The following PBX1 variants were observed in gnomAD, a reference collection of about 807,000 sequenced individuals.
The protein encoded by PBX1 is pre-B-cell leukemia transcription factor 1.
In PBX1, 6 loss-of-function variants were observed where a neutral mutation model predicts 53.4. The observed-to-expected ratio is 0.11, with a 90% confidence interval of 0.06 to 0.22. The LOEUF is 0.22. Ranked by LOEUF, PBX1 falls within the 10% of genes least tolerant of loss-of-function variation. The pLI is 1.00. For missense variants in PBX1, 251 were observed against 551.4 expected, an observed-to-expected ratio of 0.46 and a Z score of 5.46; for synonymous variants, 204 against 212.3, an observed-to-expected ratio of 0.96 and a Z score of 0.34.
chr1:164,658,014 C>G (rs535386460), intron 2 of PBX1, among the ~76,000 whole-genome samples: 1 of 152,240 alleles, frequency 6.6e-6, no homozygotes, highest in South Asian at 2.1e-4. Context: ...GTCCCACTGT[C>G]AGGCAGATTC....
intron 2 of PBX1, among the ~76,000 whole-genome samples, chr1:164,610,807 C>G (rs545685105): frequency 6.6e-6 from 1 of 152,206 alleles, no homozygotes; most frequent in Non-Finnish European, 1.5e-5. Flanking sequence ...CATTTGCATG[C>G]TCCCCTCTCC....
chr1:164,704,041 A>C (rs1032368485), intron 2 of PBX1, among the ~76,000 whole-genome samples: 2 of 152,186 alleles, frequency 1.3e-5, no homozygotes, highest in Non-Finnish European at 2.9e-5. Context: ...ATTTGGTAAA[A>C]TGCTGCAATA....
chr1:164,849,974 T>C lies in PBX1; in HGVS notation c.*3298T>C. 4.4e-6 allele frequency: 1 copy of C among 227,914 alleles called. No homozygotes were observed. Among genetic ancestry groups the C allele is most frequent in the Non-Finnish European group, 8.7e-6 (1 of 114,742 alleles). The allele number at this position is 227,914 out of a possible 1,614,324, so 14.1% of individuals were successfully genotyped here. ...ACATTTTCCATTGTTTCTTGCGACT[T>C]GTGTCTCGTTCTTTGTAGTATTGAT... On this transcript the variant is annotated 3_prime_UTR_variant, in exon 9 of 9. Coordinates refer to ENST00000420696, the MANE Select transcript of PBX1 (RefSeq NM_002585.4).
chr1:164,882,920 T>G (rs1049920105), intron 2 of PBX1, among the ~76,000 whole-genome samples: 1 of 152,226 alleles, frequency 6.6e-6, no homozygotes, highest in Non-Finnish European at 1.5e-5. Flanking sequence ...TTTCTTCATC[T>G]GCAGACAAGA....
Position 164,724,670 on chromosome 1 carries a change from A to ATTTTTTTTTTTTTTTTTTTT in PBX1, c.266-67804_266-67785dup, listed in dbSNP as rs59042806. On this transcript the variant is annotated intron_variant, in intron 2 of 8. Coordinates refer to ENST00000420696, the MANE Select transcript of PBX1 (RefSeq NM_002585.4). Reference sequence around the variant, plus strand: ...CAGATGCCCATTGCAATAGCTGCAGATTTTTTTTTTTTTTTTTTTTTTTTT... The same window carrying ATTTTTTTTTTTTTTTTTTTT: ...CAGATGCCCATTGCAATAGCTGCAGATTTTTTTTTTTTTTTTTTTTTTTTTTTTTTTTTTTTTTTTTTTTT... Among the ~76,000 whole-genome samples, 8 of 48,238 alleles carry ATTTTTTTTTTTTTTTTTTTT rather than the reference A, an allele frequency of 1.7e-4. 1 individual carries two copies. Among genetic ancestry groups the ATTTTTTTTTTTTTTTTTTTT allele is most frequent in the Middle Eastern group, 0.012 (1 of 84 alleles). 31.6% of individuals were successfully genotyped at this position (48,238 alleles called of 152,430 possible). A position where few individuals can be genotyped will look rare whatever the true frequency, so the allele number is the denominator to read the frequency against.
intron 2 of PBX1, among the ~76,000 whole-genome samples, chr1:164,747,753 T>A (rs1441914793): frequency 6.6e-6 from 1 of 152,188 alleles, no homozygotes; most frequent in African/African-American, 2.4e-5. Context: ...AATCTAGGAC[T>A]CAACCTGAGA....
At chr1:164,777,645 T>A (rs1667736246) in intron 2 of PBX1, among the ~76,000 whole-genome samples, 1 of 152,248 alleles carries the variant, frequency 6.6e-6, no homozygotes, top group South Asian at 2.1e-4. Context: ...CTTTTTATTC[T>A]GTTCATAATT....
At chr1:164,584,505 T>C (rs1409228738) in intron 2 of PBX1, among the ~76,000 whole-genome samples, 1 of 152,226 alleles carries the variant, frequency 6.6e-6, no homozygotes. Context: ...TTAGATCTAT[T>C]GGATCACTCC....
chr1:164,590,573 G>A (rs947599236), intron 2 of PBX1: 2 of 431,480 alleles, frequency 4.6e-6, no homozygotes, highest in Non-Finnish European at 9.4e-6. Context: ...GTGACCAGGA[G>A]ATCTATTGCC....
chr1:164,757,808 T>TTGCAAGG (rs113659816), intron 2 of PBX1, among the ~76,000 whole-genome samples: 2 of 151,500 alleles, frequency 1.3e-5, no homozygotes, highest in Non-Finnish European at 2.9e-5. Context: ...CAGTAAAACT[T>TTGCAAGG]TTTATCAACC....
intron 2 of PBX1, among the ~76,000 whole-genome samples, chr1:164,594,996 C>T (rs150206226): frequency 6.6e-5 from 10 of 152,340 alleles, no homozygotes; most frequent in Admixed American, 4.6e-4. Flanking sequence ...CTGCTTTGAA[C>T]GTGAAGACAA....
At chr1:164,592,268 C>T (rs1338229034) in intron 2 of PBX1, among the ~76,000 whole-genome samples, 1 of 152,160 alleles carries the variant, frequency 6.6e-6, no homozygotes, top group East Asian at 1.9e-4. Context: ...TGAGGTTCAT[C>T]CCAGTATATG....
intron 2 of PBX1, among the ~76,000 whole-genome samples, chr1:164,662,244 A>G (rs749764084): frequency 1.3e-5 from 2 of 152,156 alleles, no homozygotes; most frequent in Non-Finnish European, 2.9e-5. Context: ...GAGAATTGCC[A>G]GAATCTGGGG....
chr1:164,811,345 A>G (rs1336356611), intron 5 of PBX1, among the ~76,000 whole-genome samples: 1 of 152,220 alleles, frequency 6.6e-6, no homozygotes, highest in Non-Finnish European at 1.5e-5. Context: ...TGCTGGCTTT[A>G]ACATTTAAAC....
At chr1:164,853,741 T>G (rs1671913467), downstream of PBX1, among the ~76,000 whole-genome samples, 1 of 152,084 alleles carries the variant, frequency 6.6e-6, no homozygotes, top group Non-Finnish European at 1.5e-5. Context: ...CACTGACATG[T>G]TTACTGCTAG....
intron 2 of PBX1, among the ~76,000 whole-genome samples, chr1:164,616,182 G>A (rs1019229781): frequency 8.5e-5 from 13 of 152,228 alleles, no homozygotes; most frequent in South Asian, 6.2e-4. Flanking sequence ...CTTCATGCCC[G>A]GGGATGATTC....
At position 164,685,931 on chromosome 1, in the gene PBX1, G is replaced by T. The variant is rs529529406; in HGVS notation, c.266-106563G>T. On this transcript the variant is annotated intron_variant, in intron 2 of 8. Coordinates refer to ENST00000420696, the MANE Select transcript of PBX1 (RefSeq NM_002585.4). ...CAGCTTCTGCTGGAGAACATTAGGT[G>T]CCTGTTCCCCCGTGGTGAGTGTTAC... Among the ~76,000 whole-genome samples the T allele has an allele frequency of 5.9e-5, 9 of 152,300 alleles. No individual in the cohort carries two copies. The South Asian group carries it at 1.7e-3, about 28-fold the overall frequency.
intron 2 of PBX1, among the ~76,000 whole-genome samples, chr1:164,665,779 A>C (rs1412713886): frequency 6.6e-6 from 1 of 152,168 alleles, no homozygotes. Context: ...ACCCCTAAAC[A>C]ACTACATAGC....
chr1:164,877,403 C>T (rs943922967), intron 2 of PBX1, among the ~76,000 whole-genome samples: 2 of 152,192 alleles, frequency 1.3e-5, no homozygotes, highest in African/African-American at 4.8e-5. Flanking sequence ...TGGCTCACGC[C>T]TGTAATCCCA....
Sources: gnomAD v4.1 joint callset for allele counts (sites outside exome capture counted in the v4.1 genomes callset) on GRCh38, gnomAD v4.1.1 for gene constraint, MANE v1.5 for transcripts, NCBI Gene and HGNC (gene_info 2026-07-23, HGNC 2026-07-21) for gene names.